The following SHANK1 variants were observed in gnomAD, a reference collection of about 807,000 sequenced individuals.
SHANK1 encodes the protein SH3 and multiple ankyrin repeat domains 1.
SHANK1 carries 35 observed loss-of-function variants against 165.6 expected under a neutral mutation model. The ratio of observed to expected loss-of-function variants is 0.21; its 90% CI spans 0.16 to 0.28. The LOEUF is 0.28. SHANK1 is among the 10% of genes least tolerant of loss of function. SHANK1 has a pLI of 1.00. For synonymous variants in SHANK1, 1,428 were observed against 1,384.8 expected (o/e 1.03, Z -0.69); for missense variants, 2,681 against 3,036.4 (o/e 0.88, Z 2.75).
At chr19:50,719,181 C>A (rs1330357740) in intron 1 of SHANK1, among the ~76,000 whole-genome samples, 3 of 149,494 alleles carry the variant, frequency 2.0e-5, no homozygotes, top group South Asian at 2.1e-4. Context: ...GGGTGGGGGG[C>A]GCGCCCTCCC....
intron 8 of SHANK1, among the ~76,000 whole-genome samples, chr19:50,709,105 A>G (rs947402002): frequency 3.3e-5 from 5 of 152,248 alleles, no homozygotes; most frequent in African/African-American, 1.2e-4. Flanking sequence ...AAGCAAACCT[A>G]TTAACCCACT....
At chr19:50,673,546 T>C (rs1395056290) in intron 21 of SHANK1, among the ~76,000 whole-genome samples, 2 of 152,056 alleles carry the variant, frequency 1.3e-5, no homozygotes, top group East Asian at 3.9e-4. Flanking sequence ...AGACTGCACT[T>C]CCCTCTGTCC....
Position 50,666,926 on chromosome 19 carries a change from C to T in SHANK1, c.5034G>A (p.Val1678=). The T allele has an allele frequency of 1.9e-6, 3 of 1,601,598 alleles. No individual in the cohort carries two copies. The highest frequency in any genetic ancestry group is 2.6e-6 in the Non-Finnish European group (3 of 1,174,640). ...GGTGGTCACTGCTGCTCCGACTGTC[C>T]ACCTCCTCGATGCCAGAATCCGTGC... ...PPGTDSGIEE[V]DSRSSSDHPL... Residue 1678 remains valine (V), a synonymous_variant, in exon 23 of 24, where the codon GTG becomes GTA. Transcript: ENST00000293441.
In SHANK1 at chr19:50,688,201, C is replaced by A. The variant is rs1986422308; in HGVS notation, c.2173-143G>T. The A allele has an allele frequency of 2.0e-6, 2 of 1,020,732 alleles. No homozygotes were observed. The highest frequency in any genetic ancestry group is 2.8e-6 in the Non-Finnish European group (2 of 701,774). 63.2% of individuals were successfully genotyped at this position (1,020,732 alleles called of 1,614,324 possible). A position where few individuals can be genotyped will look rare whatever the true frequency, so the allele number is the denominator to read the frequency against. ...GTTCCTCTCCCTCCGACCCTTCATA[C>A]CACCGCCTCCCTGGGCAAGCCCCCT... On this transcript the variant is annotated intron_variant, in intron 17 of 23. Transcript: ENST00000293441. The surrounding 1 kb of genome is among the most constrained non-coding windows in gnomAD (Gnocchi z 6.7).
In SHANK1 at chr19:50,688,719, G is replaced by T; in HGVS notation, c.2172+125C>A. ...AAAGCAGAGGCTGGCTGGGGGGTGG[G>T]CAGGGGGCTGGGAATCCTGGTGCCA... On this transcript the variant is annotated intron_variant, in intron 17 of 23. Coordinates refer to ENST00000293441, the MANE Select transcript of SHANK1 (RefSeq NM_016148.5). The surrounding 1 kb of genome is among the most constrained non-coding windows in gnomAD (Gnocchi z 6.7). The T allele has an allele frequency of 1.1e-6, 1 of 883,552 alleles. No individual in the cohort carries two copies. Among genetic ancestry groups the T allele is most frequent in the Non-Finnish European group, 1.7e-6 (1 of 576,928 alleles). The allele number at this position is 883,552 out of a possible 1,614,324, so 54.7% of individuals were successfully genotyped here.
At position 50,713,338 on chromosome 19, in the gene SHANK1, G is replaced by A. The variant is rs1357163254; in HGVS notation, c.792+460C>T. ...AGGCTGTGTACGTGGGGAAGGGGCT[G>A]TATTTGCATGTGAGAGAGGAGGGAG... On this transcript the variant is annotated intron_variant, in intron 6 of 23. Coordinates refer to ENST00000293441, the MANE Select transcript of SHANK1 (RefSeq NM_016148.5). This position sits in a 1 kb window ranked among gnomAD's most constrained non-coding sequence, Gnocchi z 6.2. 6.6e-6 allele frequency among the ~76,000 whole-genome samples: 1 copy of A among 151,940 alleles called. No individual in the cohort carries two copies. The highest frequency in any genetic ancestry group is 1.9e-4 in the East Asian group (1 of 5,190).
rs879572464 is a variant in SHANK1 at position 50,718,245 on chromosome 19, T to G, written c.-44+1161A>C. On this transcript the variant is annotated intron_variant, in intron 1 of 23. Transcript: ENST00000293441. The surrounding 1 kb of genome is among the most constrained non-coding windows in gnomAD (Gnocchi z 5.1). ...ACCCCTCCCCCACGCGCGGCAGCGC[T>G]GCGAAGCCCCCTCCCCCTCCAGGTA... Among the ~76,000 whole-genome samples, 28 of 148,636 alleles carry G rather than the reference T, an allele frequency of 1.9e-4. No individual in the cohort carries two copies. Among genetic ancestry groups the G allele is most frequent in the Non-Finnish European group, 3.0e-4 (20 of 67,018 alleles).
chr19:50,716,437 G>A lies in SHANK1; in HGVS notation c.297C>T (p.Ala99=). The A allele has an allele frequency of 6.2e-7, 1 of 1,614,200 alleles. No individual in the cohort carries two copies. The highest frequency in any genetic ancestry group is 8.5e-7 in the Non-Finnish European group (1 of 1,180,030). Residue 99 remains alanine (A), a synonymous_variant, in exon 3 of 24, where the codon GCC becomes GCT. Coordinates refer to ENST00000293441, the MANE Select transcript of SHANK1 (RefSeq NM_016148.5). The surrounding 1 kb of genome is among the most constrained non-coding windows in gnomAD (Gnocchi z 8.4). ...RFNPDATIWT[A]KQQVLCALSE... The stretch of plus-strand genomic sequence containing the variant: ...TCAGGGCACAGAGCACCTGCTGCTT[G>A]GCCGTCCAGATGGTGGCATCGGGGT...
Position 50,688,204 on chromosome 19 carries a change from C to T in SHANK1, c.2173-146G>A. ...CCTCTCCCTCCGACCCTTCATACCA[C>T]CGCCTCCCTGGGCAAGCCCCCTTTC... On this transcript the variant is annotated intron_variant, in intron 17 of 23. Coordinates refer to ENST00000293441, the MANE Select transcript of SHANK1 (RefSeq NM_016148.5). The surrounding 1 kb of genome is among the most constrained non-coding windows in gnomAD (Gnocchi z 6.7). The T allele has an allele frequency of 9.8e-7, 1 of 1,016,326 alleles. No homozygotes were observed. Among genetic ancestry groups the T allele is most frequent in the Non-Finnish European group, 1.4e-6 (1 of 698,726 alleles). The allele number at this position is 1,016,326 out of a possible 1,614,324, so 63.0% of individuals were successfully genotyped here.
At chr19:50,708,934 C>T (rs998995620) in intron 8 of SHANK1, among the ~76,000 whole-genome samples, 9 of 152,140 alleles carry the variant, frequency 5.9e-5, no homozygotes, top group African/African-American at 1.4e-4. Context: ...AAATGCTAGA[C>T]GGGCATATCA....
intron 23 of SHANK1, among the ~76,000 whole-genome samples, chr19:50,664,791 G>A (rs1302465089): frequency 6.6e-6 from 1 of 152,016 alleles, no homozygotes; most frequent in East Asian, 1.9e-4. Flanking sequence ...GTCTCACTCT[G>A]TCACCCAGGC....
intron 8 of SHANK1, among the ~76,000 whole-genome samples, chr19:50,710,666 A>G (rs2088996681): frequency 6.6e-6 from 1 of 152,128 alleles, no homozygotes; most frequent in African/African-American, 2.4e-5. Context: ...ATCTCCCTTC[A>G]GCACTCCCTT....
intron 15 of SHANK1, among the ~76,000 whole-genome samples, chr19:50,695,537 C>A (rs1233766965): frequency 1.3e-5 from 2 of 151,720 alleles, no homozygotes; most frequent in African/African-American, 2.4e-5. Flanking sequence ...CCCCCTCCCC[C>A]CTCCAGAGCC....
At chr19:50,691,210 G>A (rs1450997463) in intron 15 of SHANK1, among the ~76,000 whole-genome samples, 8 of 152,162 alleles carry the variant, frequency 5.3e-5, no homozygotes, top group African/African-American at 1.9e-4. Flanking sequence ...AAGGGGCCGA[G>A]AAGGCCAGAA....
intron 21 of SHANK1, among the ~76,000 whole-genome samples, chr19:50,680,200 T>G: frequency 1.4e-5 from 2 of 147,844 alleles, no homozygotes; most frequent in African/African-American, 5.0e-5. Flanking sequence ...CAGACAGAGA[T>G]GGGGCCTAGA....
chr19:50,714,008 C>A, intron 5 of SHANK1, 59 bp from the exon 6 acceptor site: 1 of 1,597,364 alleles, frequency 6.3e-7, no homozygotes. Flanking sequence ...CATCCCTTCC[C>A]ATTTTCCAGG....
At chr19:50,694,019 C>CCACACACACA (rs398034977) in intron 15 of SHANK1, among the ~76,000 whole-genome samples, 138 of 138,682 alleles carry the variant, frequency 1.0e-3, no homozygotes, top group East Asian at 2.7e-3. Context: ...CCAGCACACA[C>CCACACACACA]CACACACACA....
rs1446030153 is a variant in SHANK1 at position 50,717,524 on chromosome 19, C to T, written c.-43-562G>A. ...GACTTCACTCAAGTGTGGCTGACAA[C>T]GCGTGGCATGCCGAATAGTGCTGGG... On this transcript the variant is annotated intron_variant, in intron 1 of 23. Transcript: ENST00000293441. This position sits in a 1 kb window ranked among gnomAD's most constrained non-coding sequence, Gnocchi z 5.5. 2.0e-5 allele frequency among the ~76,000 whole-genome samples: 3 copies of T among 152,182 alleles called. No homozygotes were observed. Among genetic ancestry groups the T allele is most frequent in the South Asian group, 2.1e-4 (1 of 4,810 alleles).
At chr19:50,687,149 GT>G (rs1432627173) in intron 19 of SHANK1, 1 of 607,082 alleles carries the variant, frequency 1.6e-6, no homozygotes. Context: ...GGTGGGGGCG[GT>G]CAGCTGTCCG....
Sources: gnomAD v4.1 joint callset for allele counts (sites outside exome capture counted in the v4.1 genomes callset) on GRCh38, gnomAD v4.1.1 for gene constraint, Gnocchi (gnomAD v3.1) non-coding constraint, MANE v1.5 for transcripts, NCBI Gene and HGNC (gene_info 2026-07-23, HGNC 2026-07-21) for gene names.